SLC11A1: variants seen among roughly 807,000 people sequenced by gnomAD.
SLC11A1 encodes the protein solute carrier family 11 member 1.
In SLC11A1, 59 loss-of-function variants were observed where a neutral mutation model predicts 63.2. The ratio of observed to expected loss-of-function variants is 0.93; its 90% CI spans 0.76 to 1.16. The LOEUF (loss-of-function observed/expected upper bound fraction) is 1.16, where lower values mean the gene tolerates loss of function less well. SLC11A1 is among the 50% of genes most tolerant of loss of function. The probability of loss-of-function intolerance (pLI) is 0.00; values close to 1 mark genes in which losing one functional copy is unlikely to be tolerated. For synonymous variants in SLC11A1, 305 were observed against 307.8 expected, an observed-to-expected ratio of 0.99 and a Z score of 0.09; for missense variants, 688 against 730.7, an observed-to-expected ratio of 0.94 and a Z score of 0.67.
intron 3 of SLC11A1, 129 bp from the exon 4 acceptor site, chr2:218,385,018 C>A: frequency 7.8e-7 from 1 of 1,280,636 alleles, no homozygotes; most frequent in Non-Finnish European, 1.1e-6. Flanking sequence ...TACCAGCGCC[C>A]AGCCAGGATG....
Position 218,395,151 on chromosome 2 carries a change from C to A in SLC11A1, c.*116C>A. 1 of 757,456 alleles carries A rather than the reference C, an allele frequency of 1.3e-6. No individual in the cohort carries two copies. Among genetic ancestry groups the A allele is most frequent in the South Asian group, 1.7e-5 (1 of 60,046 alleles). 46.9% of individuals were successfully genotyped at this position (757,456 alleles called of 1,614,324 possible). ...GGGACAGTTCCTGAGACCAGCCAAC[C>A]TGGGGGCTTTAGGGACCTGCTGTTT... On this transcript the variant is annotated 3_prime_UTR_variant, in exon 15 of 15. Coordinates refer to ENST00000233202, the MANE Select transcript of SLC11A1 (RefSeq NM_000578.4).
At chr2:218,386,960 G>A (rs1448658201) in intron 5 of SLC11A1, 200 bp from the exon 6 acceptor site, 13 of 646,770 alleles carry the variant, frequency 2.0e-5, no homozygotes, top group South Asian at 5.5e-5. Context: ...TCCCTGCTGC[G>A]CCGGGTGCCA....
intron 8 of SLC11A1, 98 bp downstream of exon 8, chr2:218,388,053 T>C: frequency 7.3e-7 from 1 of 1,371,408 alleles, no homozygotes; most frequent in Non-Finnish European, 9.8e-7. Flanking sequence ...GCTCCTTCCC[T>C]CAGGATTTGC....
At chr2:218,388,201 C>CT in intron 8 of SLC11A1, 1 of 463,070 alleles carries the variant, frequency 2.2e-6, no homozygotes, top group South Asian at 2.9e-5. Context: ...AACCCCGTCT[C>CT]TACTAAAAAT....
chr2:218,390,131 G>A, intron 9 of SLC11A1, 103 bp downstream of exon 9: 1 of 1,216,982 alleles, frequency 8.2e-7, no homozygotes, highest in Non-Finnish European at 1.1e-6. Context: ...CTGAGTCTCT[G>A]CCCTGATGAT....
In SLC11A1 at chr2:218,387,781, A is replaced by G; in HGVS notation, c.640-19A>G. The G allele has an allele frequency of 2.5e-6, 4 of 1,610,898 alleles. No homozygotes were observed. The highest frequency in any genetic ancestry group is 3.4e-6 in the Non-Finnish European group (4 of 1,179,136). ...GTTGCGAGGGGCGGGGCTTGTCCTG[A>G]CCAGGCTCCTCCCTGCAGTATGTGG... On this transcript the variant is annotated intron_variant, in intron 7 of 14. Coordinates refer to ENST00000233202, the MANE Select transcript of SLC11A1 (RefSeq NM_000578.4).
chr2:218,384,358 G>T lies in SLC11A1; in HGVS notation c.266G>T (p.Gly89Val). ...GATCTTCAGGCTGGCGCCGTGGCGGGATTCAAAGTAACTAAGTCGGGACCT... is the reference window on the plus strand; with the variant it reads ...GATCTTCAGGCTGGCGCCGTGGCGGTATTCAAAGTAACTAAGTCGGGACCT... ...ESDLQAGAVA[G>V]FKLLWVLLWA... Residue 89 changes from glycine to valine, a missense_variant, in exon 3 of 15, where the codon GGA becomes GTA. Physicochemically the swap from Gly to Val is moderately radical, Grantham distance 109 (BLOSUM62 -3). Transcript: ENST00000233202. This position sits in a 1 kb window ranked among gnomAD's most constrained non-coding sequence, Gnocchi z 4.0. 6.2e-7 allele frequency: 1 copy of T among 1,602,548 alleles called. No individual in the cohort carries two copies. The highest frequency in any genetic ancestry group is 8.5e-7 in the Non-Finnish European group (1 of 1,171,900).
At position 218,384,974 on chromosome 2, in the gene SLC11A1, T is replaced by C; in HGVS notation, c.274-173T>C. On this transcript the variant is annotated intron_variant, in intron 3 of 14. Coordinates refer to ENST00000233202, the MANE Select transcript of SLC11A1 (RefSeq NM_000578.4). This position sits in a 1 kb window ranked among gnomAD's most constrained non-coding sequence, Gnocchi z 4.0. ...CTGGACTCAAGCAATCCTCCCACCTTAGCCTTTTAAAGTGCTGGGATTACA... is the reference window on the plus strand; with the variant it reads ...CTGGACTCAAGCAATCCTCCCACCTCAGCCTTTTAAAGTGCTGGGATTACA... 1 of 739,612 alleles carries C rather than the reference T, an allele frequency of 1.4e-6. No homozygotes were observed. The highest frequency in any genetic ancestry group is 2.2e-6 in the Non-Finnish European group (1 of 460,734). 45.8% of individuals were successfully genotyped at this position (739,612 alleles called of 1,614,324 possible).
At chr2:218,391,065 C>T in intron 9 of SLC11A1, 133 bp from the exon 10 acceptor site, 2 of 712,738 alleles carry the variant, frequency 2.8e-6, no homozygotes, top group Non-Finnish European at 4.9e-6. Flanking sequence ...ATTTTGTTAG[C>T]CAAACAAAAT....
rs1574774860 is a variant in SLC11A1 at position 218,391,304 on chromosome 2, G to A, written c.1044+17G>A. The stretch of plus-strand genomic sequence containing the variant: ...TACCAGGGGGTGAGCGCGGGTGGGT[G>A]GGGAGGGCGTGACCCAGAGAGGCTC... On this transcript the variant is annotated intron_variant, in intron 10 of 14. Coordinates refer to ENST00000233202, the MANE Select transcript of SLC11A1 (RefSeq NM_000578.4). The A allele has an allele frequency of 2.5e-6, 4 of 1,613,596 alleles. No individual in the cohort carries two copies. Among genetic ancestry groups the A allele is most frequent in the African/African-American group, 2.7e-5 (2 of 74,936 alleles).
rs375159244 is a variant in SLC11A1 at position 218,396,351 on chromosome 2, CT to C, written c.*1317del. ...GGCTCCCCCAAGTCCCTCCTCCAGC[CT>C]CGTCGGGTCCCTCAGACCCCAGCCC... On this transcript the variant is annotated 3_prime_UTR_variant, in exon 15 of 15. Coordinates refer to ENST00000233202, the MANE Select transcript of SLC11A1 (RefSeq NM_000578.4). The C allele has an allele frequency of 2.7e-4, 41 of 152,598 alleles. No individual in the cohort carries two copies. Among genetic ancestry groups the C allele is most frequent in the African/African-American group, 9.6e-4 (40 of 41,606 alleles). The allele number at this position is 152,598 out of a possible 1,614,324, so 9.5% of individuals were successfully genotyped here. A position where few individuals can be genotyped will look rare whatever the true frequency, so the allele number is the denominator to read the frequency against.
Position 218,393,022 on chromosome 2 carries a change from C to T in SLC11A1, c.1206C>T (p.Leu402=), listed in dbSNP as rs1696545284. 1.3e-6 allele frequency: 2 copies of T among 1,599,684 alleles called. No individual in the cohort carries two copies. The highest frequency in any genetic ancestry group is 1.1e-5 in the South Asian group (1 of 89,328). The change falls in exon 12 of 15, where the codon CTC becomes CTT. Residue 402 remains leucine, a synonymous_variant. Transcript: ENST00000233202. ...RLRWSRFARV[L]LTRSCAILPT... ...GGTGGTCACGCTTCGCCCGTGTCCTCCTCACCCGCTCCTGCGCCATCCTGC... is the reference window on the plus strand; with the variant it reads ...GGTGGTCACGCTTCGCCCGTGTCCTTCTCACCCGCTCCTGCGCCATCCTGC...
chr2:218,391,405 C>G lies in SLC11A1; in HGVS notation c.1074C>G (p.Pro358=), dbSNP rs747168117. 6.2e-7 allele frequency: 1 copy of G among 1,613,860 alleles called. No individual in the cohort carries two copies. The highest frequency in any genetic ancestry group is 1.3e-5 in the African/African-American group (1 of 74,938). The change falls in exon 11 of 15, where the codon CCC becomes CCG. Residue 358 remains proline, a synonymous_variant. Coordinates refer to ENST00000233202, the MANE Select transcript of SLC11A1 (RefSeq NM_000578.4). ...TGATCCTGGGCTGCCTGTTCGGCCCCGCGGCCCTCTACATCTGGGCCATAG... is the reference window on the plus strand; with the variant it reads ...TGATCCTGGGCTGCCTGTTCGGCCCGGCGGCCCTCTACATCTGGGCCATAG... The part of the protein sequence containing the change: ...GGVILGCLFG[P]AALYIWAIGL...
Position 218,395,097 on chromosome 2 carries a change from G to C in SLC11A1, c.*62G>C, listed in dbSNP as rs1031847904. Reference sequence around the variant, plus strand: ...ACGTGACTGGCCTGCTGGATGTGGAGGGGGCGCGTGCAGGCAGCAGGATAG... The same window carrying C: ...ACGTGACTGGCCTGCTGGATGTGGACGGGGCGCGTGCAGGCAGCAGGATAG... On this transcript the variant is annotated 3_prime_UTR_variant, in exon 15 of 15. Coordinates refer to ENST00000233202, the MANE Select transcript of SLC11A1 (RefSeq NM_000578.4). 1.5e-5 allele frequency: 19 copies of C among 1,293,874 alleles called. No homozygotes were observed. Among genetic ancestry groups the C allele is most frequent in the East Asian group, 2.5e-5 (1 of 39,754 alleles). 80.1% of individuals were successfully genotyped at this position (1,293,874 alleles called of 1,614,324 possible). A position where few individuals can be genotyped will look rare whatever the true frequency, so the allele number is the denominator to read the frequency against.
chr2:218,382,890 A>T (rs1695876618), intron 1 of SLC11A1, 70 bp from the exon 2 acceptor site: 1 of 1,599,100 alleles, frequency 6.3e-7, no homozygotes. Context: ...GAGGGAAAGG[A>T]TCAGGCGGCT....
intron 12 of SLC11A1, among the ~76,000 whole-genome samples, 182 bp from the exon 13 acceptor site, chr2:218,393,938 A>G (rs1696598312): frequency 6.6e-6 from 1 of 152,072 alleles, no homozygotes; most frequent in African/African-American, 2.4e-5. Context: ...GCCCCCAAAC[A>G]CTTTCTCCTG....
rs151049113 is a variant in SLC11A1 at position 218,389,555 on chromosome 2, AAAAAT to A, written c.796-306_796-302del. Among the ~76,000 whole-genome samples, 785 of 152,238 alleles carry A rather than the reference AAAAAT, an allele frequency of 5.2e-3. 6 individuals carry two copies. Among genetic ancestry groups the A allele is most frequent in the African/African-American group, 0.018 (737 of 41,522 alleles). On this transcript the variant is annotated intron_variant, in intron 8 of 14. Coordinates refer to ENST00000233202, the MANE Select transcript of SLC11A1 (RefSeq NM_000578.4). ...GGTGACAGAACAAAACCTGTCTCTA[AAAAAT>A]AAAATAAAGTAAGCTGGACACGTCT... is the stretch of plus-strand genomic sequence containing the variant.
intron 8 of SLC11A1, among the ~76,000 whole-genome samples, chr2:218,388,604 C>T (rs13011285): frequency 0.23 from 32,770 of 143,910 alleles, 3,993 homozygotes; most frequent in Middle Eastern, 0.33. Flanking sequence ...GAGACCTCAA[C>T]AGCCTGGCCA....
chr2:218,395,295 AAAAC>A lies in SLC11A1; in HGVS notation c.*269_*272del, dbSNP rs17229009. On this transcript the variant is annotated 3_prime_UTR_variant, in exon 15 of 15. Transcript: ENST00000233202. The stretch of plus-strand genomic sequence containing the variant: ...AACACAGTGTCTGGCACTTGGGACA[AAAAC>A]AAACAAACGAAAAACATTTCAAAAG... The A allele has an allele frequency of 3.7e-5, 16 of 432,088 alleles. No individual in the cohort carries two copies. The highest frequency in any genetic ancestry group is 5.5e-5 in the Non-Finnish European group (13 of 237,096). The allele number at this position is 432,088 out of a possible 1,614,324, so 26.8% of individuals were successfully genotyped here. A position where few individuals can be genotyped will look rare whatever the true frequency, so the allele number is the denominator to read the frequency against.
Sources: allele counts gnomAD v4.1 joint callset (sites outside exome capture counted in the v4.1 genomes callset), GRCh38; gene constraint gnomAD v4.1.1; non-coding constraint Gnocchi (gnomAD v3.1); transcripts MANE v1.5; gene names NCBI Gene and HGNC (gene_info 2026-07-23, HGNC 2026-07-21).